Variants in POU2AF3 observed in about 807,000 individuals in gnomAD.
POU2AF3 encodes the protein POU class 2 homeobox associating factor 3, also known as cancer susceptibility candidate 13.
chr11:111,299,551 G>A, the POU2AF3 span: 1 of 1,202,178 alleles, frequency 8.3e-7, no homozygotes, highest in Non-Finnish European at 1.0e-6. Flanking sequence ...CCGCGAGCCG[G>A]GGCAGTCCGA....
At chr11:111,303,497 ATTGTAAACACACC>A in the POU2AF3 span, among the ~76,000 whole-genome samples, 1 of 152,200 alleles carries the variant, frequency 6.6e-6, no homozygotes, top group Non-Finnish European at 1.5e-5. Context: ...CAAGTAGGAT[ATTGTAAACACACC>A]TCAGGGAGAT....
chr11:111,303,569 G>A, the POU2AF3 span, among the ~76,000 whole-genome samples: 4 of 152,210 alleles, frequency 2.6e-5, no homozygotes, highest in Non-Finnish European at 4.4e-5. Context: ...GAGGAATGGA[G>A]TTAAGGAAAG....
At chr11:111,304,885 A>G in the POU2AF3 span, 1 of 1,171,838 alleles carries the variant, frequency 8.5e-7, no homozygotes, top group Non-Finnish European at 1.1e-6. Context: ...CCTTCAGAGC[A>G]TTTCTTTCAG....
chr11:111,306,917 T>C, the POU2AF3 span, among the ~76,000 whole-genome samples: 7 of 152,320 alleles, frequency 4.6e-5, no homozygotes, highest in Admixed American at 3.3e-4. Flanking sequence ...TCATTTAATG[T>C]TTTTTAAACT....
the POU2AF3 span, among the ~76,000 whole-genome samples, chr11:111,305,757 TA>T: frequency 6.6e-6 from 1 of 152,260 alleles, no homozygotes; most frequent in Non-Finnish European, 1.5e-5. Flanking sequence ...TTTAACAACT[TA>T]CTTTGATCAC....
chr11:111,298,843 C>CCCCAAG, the POU2AF3 span: 1 of 1,187,162 alleles, frequency 8.4e-7, no homozygotes, highest in Non-Finnish European at 1.0e-6. Context: ...CCCGCCCTCC[C>CCCCAAG]ACGTATCCAC....
the POU2AF3 span, chr11:111,307,978 T>C: frequency 5.7e-4 from 719 of 1,269,522 alleles, 12 homozygotes; most frequent in South Asian, 0.013. Flanking sequence ...CCCCTCATTT[T>C]CTCACTCTGC....
chr11:111,298,630 G>T, the POU2AF3 span: 1 of 1,245,774 alleles, frequency 8.0e-7, no homozygotes. Context: ...AGGCGGGCCA[G>T]GGGCATTTCA....
the POU2AF3 span, among the ~76,000 whole-genome samples, chr11:111,305,423 T>G: frequency 6.6e-6 from 1 of 152,196 alleles, no homozygotes; most frequent in Admixed American, 6.5e-5. Context: ...CAGAAAGCAG[T>G]TCAAACAAGT....
At chr11:111,299,336 A>T in the POU2AF3 span, 2 of 988,430 alleles carry the variant, frequency 2.0e-6, no homozygotes, top group Non-Finnish European at 2.4e-6. Context: ...CTGGACGCAC[A>T]CTGCAGGGTA....
chr11:111,307,992 G>T, the POU2AF3 span: 1 of 1,359,994 alleles, frequency 7.4e-7, no homozygotes, highest in South Asian at 1.7e-5. Flanking sequence ...ACTCTGCATT[G>T]GTAAACCCAC....
the POU2AF3 span, chr11:111,300,621 C>A: frequency 1.6e-6 from 2 of 1,229,002 alleles, no homozygotes; most frequent in Non-Finnish European, 2.0e-6. Context: ...CCGGGGGAAC[C>A]GTAAGCATAA....
the POU2AF3 span, chr11:111,300,740 C>T: frequency 7.1e-6 from 3 of 419,790 alleles, no homozygotes; most frequent in African/African-American, 6.2e-5. Flanking sequence ...ACCTGGCCTT[C>T]CTCTGCTGTT....
At chr11:111,298,630 G>A in the POU2AF3 span, 1 of 1,245,774 alleles carries the variant, frequency 8.0e-7, no homozygotes. Context: ...AGGCGGGCCA[G>A]GGGCATTTCA....
chr11:111,307,294 A>G, the POU2AF3 span, among the ~76,000 whole-genome samples: 2 of 152,134 alleles, frequency 1.3e-5, no homozygotes, highest in Non-Finnish European at 2.9e-5. Context: ...GTTGTCTTTT[A>G]GAGACTCACA....
the POU2AF3 span, among the ~76,000 whole-genome samples, chr11:111,303,803 C>T: frequency 5.9e-4 from 89 of 151,964 alleles, no homozygotes; most frequent in African/African-American, 2.1e-3. Flanking sequence ...TGCCCTGTAA[C>T]CCAAAAGAGG....
chr11:111,306,594 G>C, the POU2AF3 span: 2 of 1,551,438 alleles, frequency 1.3e-6, no homozygotes, highest in Non-Finnish European at 1.7e-6. Context: ...CAGCTTCCAG[G>C]CCACCCCTTT....
the POU2AF3 span, chr11:111,300,663 C>T: frequency 4.6e-6 from 5 of 1,098,582 alleles, no homozygotes; most frequent in Non-Finnish European, 5.8e-6. Context: ...CCATGCCAGG[C>T]CTCTTTCAAA....
chr11:111,298,779 G>A, the POU2AF3 span: 6 of 1,160,192 alleles, frequency 5.2e-6, no homozygotes, highest in Non-Finnish European at 6.5e-6. Flanking sequence ...CCGGAGGGCA[G>A]AGGCCCAGAG....
Sources: gnomAD v4.1 joint callset for allele counts (sites outside exome capture counted in the v4.1 genomes callset) on GRCh38, gnomAD v4.1.1 for gene constraint, MANE v1.5 for transcripts, NCBI Gene and HGNC (gene_info 2026-07-23, HGNC 2026-07-21) for gene names.